Variants in AFF3 observed in about 807,000 individuals in gnomAD.
AFF3 encodes the protein ALF transcription elongation factor 3, also known as AF4/FMR2 family member 3.
AFF3 carries 32 observed loss-of-function variants against 129.7 expected under a neutral mutation model. That is an observed-to-expected ratio of 0.25 (90% CI 0.19 to 0.33). The LOEUF is 0.33. Among genes scored for constraint, AFF3 ranks in the 10% least tolerant of loss-of-function variants. The pLI is 1.00. For synonymous variants in AFF3, 644 were observed against 635.4 expected, an observed-to-expected ratio of 1.01 and a Z score of -0.20; for missense variants, 1,373 against 1,592.0, an observed-to-expected ratio of 0.86 and a Z score of 2.34.
At chr2:99,557,321 C>T (rs1387502148) in intron 22 of AFF3, among the ~76,000 whole-genome samples, 1 of 150,226 alleles carries the variant, frequency 6.7e-6, no homozygotes, top group African/African-American at 2.5e-5. Context: ...ACTCTGTCGC[C>T]CAGGCTGGAG....
At chr2:99,832,325 G>C (rs1688568283) in intron 8 of AFF3, among the ~76,000 whole-genome samples, 1 of 152,206 alleles carries the variant, frequency 6.6e-6, no homozygotes, top group African/African-American at 2.4e-5. Context: ...TTCTCAACAG[G>C]AGCTTCTGGA....
intron 1 of AFF3, among the ~76,000 whole-genome samples, chr2:100,129,610 C>T (rs1692337269): frequency 1.3e-5 from 2 of 152,178 alleles, no homozygotes; most frequent in South Asian, 4.1e-4. Context: ...AATTAACCCT[C>T]TTCCCAATAC....
chr2:99,665,223 G>A (rs950067715), intron 12 of AFF3, among the ~76,000 whole-genome samples: 9 of 152,220 alleles, frequency 5.9e-5, no homozygotes, highest in African/African-American at 1.9e-4. Flanking sequence ...TTTAGACCAA[G>A]GAATTACTTG....
chr2:99,777,861 T>A lies in AFF3; in HGVS notation c.922-25560A>T, dbSNP rs1019057456. ...CAGAGCAGATGCGCCACAGGCTGTG[T>A]CCTGTACACCCTGGCCCTGGGAGCG... is the stretch of plus-strand genomic sequence containing the variant. On this transcript the variant is annotated intron_variant, in intron 8 of 24. Transcript: ENST00000672756. Among the ~76,000 whole-genome samples the A allele has an allele frequency of 2.1e-5, 3 of 143,614 alleles. No individual in the cohort carries two copies. The East Asian group carries it at 6.4e-4, about 31-fold the overall frequency. The allele number at this position is 143,614 out of a possible 152,430, so 94.2% of individuals were successfully genotyped here. A position where few individuals can be genotyped will look rare whatever the true frequency, so the allele number is the denominator to read the frequency against.
At chr2:99,959,339 CAAAA>C (rs34083581) in intron 7 of AFF3, among the ~76,000 whole-genome samples, 1,348 of 66,970 alleles carry the variant, frequency 0.02, 22 homozygotes, top group African/African-American at 0.072. Context: ...AAGAGTCTGC[CAAAA>C]AAAAAAAAAA....
intron 2 of AFF3, among the ~76,000 whole-genome samples, chr2:100,109,589 A>G (rs142808463): frequency 6.6e-6 from 1 of 152,290 alleles, no homozygotes; most frequent in African/African-American, 2.4e-5. Context: ...GTTCTTTGTC[A>G]TGCTTCTTCA....
At chr2:99,762,514 A>G (rs1302572878) in intron 8 of AFF3, among the ~76,000 whole-genome samples, 4 of 152,156 alleles carry the variant, frequency 2.6e-5, no homozygotes, top group Non-Finnish European at 5.9e-5. Flanking sequence ...TAAAATCCCT[A>G]CTAGATTACA....
chr2:99,931,056 G>A (rs1215999118), intron 7 of AFF3, among the ~76,000 whole-genome samples: 2 of 152,124 alleles, frequency 1.3e-5, no homozygotes, highest in East Asian at 3.8e-4. Flanking sequence ...CTGTAATCTT[G>A]TAGACGGTTC....
intron 4 of AFF3, among the ~76,000 whole-genome samples, chr2:100,103,542 G>A (rs1690921204): frequency 1.4e-5 from 2 of 147,152 alleles, no homozygotes; most frequent in African/African-American, 2.5e-5. Context: ...GAAAGAAGGG[G>A]GAATAAGACA....
rs1047131629 is a variant in AFF3, at chr2:99,547,403, G to A, written c.*4071C>T. The A allele has an allele frequency of 9.2e-6, 2 of 218,126 alleles. No homozygotes were observed. The highest frequency in any genetic ancestry group is 9.2e-6 in the Non-Finnish European group (1 of 108,318). 13.5% of individuals were successfully genotyped at this position (218,126 alleles called of 1,614,324 possible). ...ATATCCTGTACATGCATTAAGGCTG[G>A]TGACTGCTAAAGTCTCTTGGGAATC... On this transcript the variant is annotated 3_prime_UTR_variant, in exon 25 of 25. Coordinates refer to ENST00000672756, the MANE Select transcript of AFF3 (RefSeq NM_001386135.1).
chr2:99,577,316 A>T (rs1024401694), intron 18 of AFF3, among the ~76,000 whole-genome samples: 17 of 152,188 alleles, frequency 1.1e-4, no homozygotes, highest in Non-Finnish European at 1.8e-4. Flanking sequence ...ATGAGGCTGG[A>T]GTAGCCACCC....
At chr2:100,079,589 G>C (rs943194963) in intron 4 of AFF3, among the ~76,000 whole-genome samples, 3 of 152,146 alleles carry the variant, frequency 2.0e-5, no homozygotes, top group Non-Finnish European at 4.4e-5. Context: ...AATGAATCTA[G>C]AATACATTTC....
chr2:99,665,147 G>T (rs1393171536), intron 12 of AFF3, among the ~76,000 whole-genome samples: 3 of 152,224 alleles, frequency 2.0e-5, no homozygotes, highest in African/African-American at 7.2e-5. Flanking sequence ...GATGGTGCAG[G>T]GTAGTGTCGG....
At chr2:99,756,457 G>T (rs1682105379) in intron 8 of AFF3, among the ~76,000 whole-genome samples, 1 of 152,244 alleles carries the variant, frequency 6.6e-6, no homozygotes. Flanking sequence ...GGACAGACCT[G>T]TGGGTGTTCA....
At position 99,546,612 on chromosome 2, in the gene AFF3, T is replaced by C. The variant is rs1674080069; in HGVS notation, c.*4862A>G. On this transcript the variant is annotated 3_prime_UTR_variant, in exon 25 of 25. Transcript: ENST00000672756. Reference sequence around the variant, plus strand: ...TTGGGGAGGAGGATAAGGAAAAGGGTTGGAGATAAGACTAAAAATGAAGTT... The same window carrying C: ...TTGGGGAGGAGGATAAGGAAAAGGGCTGGAGATAAGACTAAAAATGAAGTT... The C allele has an allele frequency of 4.3e-6, 1 of 232,470 alleles. No homozygotes were observed. Among genetic ancestry groups the C allele is most frequent in the African/African-American group, 2.2e-5 (1 of 45,378 alleles). 14.4% of individuals were successfully genotyped at this position (232,470 alleles called of 1,614,324 possible).
chr2:99,845,765 T>C (rs1367477039), intron 7 of AFF3, among the ~76,000 whole-genome samples: 2 of 152,204 alleles, frequency 1.3e-5, no homozygotes, highest in Admixed American at 6.5e-5. Context: ...CAAACTTCAG[T>C]GAGATTTTGC....
rs575092417 is a variant in AFF3 at position 99,787,671 on chromosome 2, G to A, written c.922-35370C>T. ...CTACGTACTTCTGACTGGAGACTTA[G>A]GCTAGGCTGGGTTTCAAATTTGGAT... On this transcript the variant is annotated intron_variant, in intron 8 of 24. Coordinates refer to ENST00000672756, the MANE Select transcript of AFF3 (RefSeq NM_001386135.1). 2.0e-5 allele frequency among the ~76,000 whole-genome samples: 3 copies of A among 152,280 alleles called. No individual in the cohort carries two copies. The East Asian group carries it at 5.8e-4, about 29-fold the overall frequency.
At chr2:99,950,135 G>A (rs935175304) in intron 7 of AFF3, among the ~76,000 whole-genome samples, 2 of 152,122 alleles carry the variant, frequency 1.3e-5, no homozygotes, top group African/African-American at 4.8e-5. Flanking sequence ...CTAACAAAGT[G>A]ACTTTAGCTA....
In AFF3 at chr2:100,007,296, A is replaced by C. The variant is rs778814942; in HGVS notation, c.339T>G (p.Val113=). The stretch of plus-strand genomic sequence containing the variant: ...GCTGGTTCTGGGCTCTTGAATCTGC[A>C]ACAAAATGTTCATCGATCTTGTTCA... The part of the protein sequence containing the change: ...TPVNKIDEHF[V]ADSRAQNQPS... Residue 113 remains valine, a synonymous_variant, in exon 6 of 25, where the codon GTT becomes GTG. Coordinates refer to ENST00000672756, the MANE Select transcript of AFF3 (RefSeq NM_001386135.1). 1.1e-5 allele frequency: 17 copies of C among 1,614,028 alleles called. No individual in the cohort carries two copies. In the South Asian group the frequency reaches 1.2e-4, roughly 11 times the overall value.
Sources: allele counts gnomAD v4.1 joint callset (sites outside exome capture counted in the v4.1 genomes callset), GRCh38; gene constraint gnomAD v4.1.1; transcripts MANE v1.5; gene names NCBI Gene and HGNC (gene_info 2026-07-23, HGNC 2026-07-21).